Variants in TENM1 observed in about 807,000 individuals in gnomAD.
The protein encoded by TENM1 is teneurin transmembrane protein 1.
In TENM1, 35 loss-of-function variants were observed where a neutral mutation model predicts 174.8. The ratio of observed to expected loss-of-function variants is 0.20; its 90% CI spans 0.15 to 0.27. The LOEUF is 0.27. Ranked by LOEUF, TENM1 falls within the 10% of genes least tolerant of loss-of-function variation. TENM1 has a pLI of 1.00. For synonymous variants in TENM1, 781 were observed against 798.7 expected, an observed-to-expected ratio of 0.98 and a Z score of 0.37; for missense variants, 1,633 against 2,130.1, an observed-to-expected ratio of 0.77 and a Z score of 4.59.
At chrX:124,735,981 A>C (rs1181870473) in intron 4 of TENM1, among the ~76,000 whole-genome samples, 1 of 111,257 alleles carries the variant, frequency 9.0e-6, no homozygotes, top group East Asian at 2.8e-4. Flanking sequence ...TATTGGGTAC[A>C]ATGTTCACCC....
intron 3 of TENM1, among the ~76,000 whole-genome samples, chrX:124,806,641 T>C (rs1412784556): frequency 8.9e-6 from 1 of 112,391 alleles, no homozygotes; most frequent in African/African-American, 3.2e-5. Context: ...AGGCTAGGTG[T>C]GTTAGTCCAC....
chrX:124,834,883 C>T (rs1420869294), intron 3 of TENM1, among the ~76,000 whole-genome samples: 1 of 112,108 alleles, frequency 8.9e-6, no homozygotes, highest in Non-Finnish European at 1.9e-5. Flanking sequence ...ATTCCTCAAT[C>T]AATCTTTATT....
At chrX:124,664,684 GT>G (rs2051705012) in intron 6 of TENM1, among the ~76,000 whole-genome samples, 4 of 75,022 alleles carry the variant, frequency 5.3e-5, no homozygotes, top group East Asian at 7.2e-4. Flanking sequence ...TGTGGGGTGT[GT>G]GTGTGTGTGT....
chrX:124,519,502 C>T (rs770275707), intron 18 of TENM1, among the ~76,000 whole-genome samples: 3 of 110,907 alleles, frequency 2.7e-5, no homozygotes, highest in Admixed American at 1.9e-4. Context: ...ATGCTAGACA[C>T]TTCCAAGGGA....
chrX:124,479,939 G>A (rs2046808433), intron 22 of TENM1, among the ~76,000 whole-genome samples: 2 of 111,756 alleles, frequency 1.8e-5, no homozygotes, highest in South Asian at 7.5e-4. Flanking sequence ...AGCTGGCACA[G>A]AGAAATAAAG....
At chrX:125,121,760 T>C in the TENM1 span, among the ~76,000 whole-genome samples, 3 of 112,051 alleles carry the variant, frequency 2.7e-5, no homozygotes, top group Non-Finnish European at 5.6e-5. Flanking sequence ...TAAGTTTTAA[T>C]AAAAAGTCAA....
intron 11 of TENM1, among the ~76,000 whole-genome samples, chrX:124,587,907 G>T (rs1303326904): frequency 1.3e-4 from 14 of 111,970 alleles, no homozygotes; most frequent in Non-Finnish European, 2.3e-4. Flanking sequence ...CTCAAAAGAA[G>T]ACATTTATGC....
intron 5 of TENM1, among the ~76,000 whole-genome samples, chrX:124,697,597 C>T (rs1259667976): frequency 9.1e-6 from 1 of 110,184 alleles, no homozygotes; most frequent in Non-Finnish European, 1.9e-5. Context: ...ACTGAAGATG[C>T]CAAAGAGCTT....
At chrX:124,825,432 T>C (rs1034208643) in intron 3 of TENM1, among the ~76,000 whole-genome samples, 2 of 110,048 alleles carry the variant, frequency 1.8e-5, no homozygotes, top group African/African-American at 6.6e-5. Flanking sequence ...CCCAAAGTGC[T>C]GGGATTACAG....
chrX:124,677,084 T>C (rs1346246717), intron 5 of TENM1, among the ~76,000 whole-genome samples: 1 of 111,041 alleles, frequency 9.0e-6, no homozygotes, highest in Non-Finnish European at 1.9e-5. Context: ...ATTGAAATGA[T>C]AATATTTTGG....
At chrX:124,439,868 C>A (rs939295902) in intron 23 of TENM1, among the ~76,000 whole-genome samples, 5 of 111,165 alleles carry the variant, frequency 4.5e-5, no homozygotes, top group African/African-American at 1.3e-4. Context: ...TGCATATTAC[C>A]ACATTAAATT....
chrX:124,982,150 G>A, the TENM1 span, among the ~76,000 whole-genome samples: 1 of 68,609 alleles, frequency 1.5e-5, no homozygotes, highest in Non-Finnish European at 2.5e-5. Flanking sequence ...AGTATTGCCC[G>A]AAAAGGTAAA....
the TENM1 span, among the ~76,000 whole-genome samples, chrX:125,033,583 A>T: frequency 8.9e-6 from 1 of 112,042 alleles, no homozygotes; most frequent in Non-Finnish European, 1.9e-5. Context: ...GAGGAAGGGA[A>T]GGACAAAGGG....
At chrX:124,762,920 CTGTGTAGTCTTTACT>C (rs1449699784) in intron 3 of TENM1, among the ~76,000 whole-genome samples, 4 of 111,141 alleles carry the variant, frequency 3.6e-5, no homozygotes, top group Admixed American at 2.9e-4. Context: ...GTAGTCTTTA[CTGTGTAGTCTTTACT>C]TGTGTAGTCT....
At chrX:125,162,643 C>G in the TENM1 span, among the ~76,000 whole-genome samples, 1,480 of 111,858 alleles carry the variant, frequency 0.013, 28 homozygotes, top group African/African-American at 0.045. Flanking sequence ...CCACCAGCAC[C>G]TCAAGTCTTT....
intron 4 of TENM1, among the ~76,000 whole-genome samples, chrX:124,708,251 T>A (rs1885634044): frequency 1.8e-5 from 2 of 111,573 alleles, no homozygotes; most frequent in South Asian, 7.6e-4. Flanking sequence ...TTTAAAGGGA[T>A]TAAAAAAACC....
intron 3 of TENM1, among the ~76,000 whole-genome samples, chrX:124,779,624 T>G (rs920738382): frequency 9.0e-6 from 1 of 111,687 alleles, no homozygotes; most frequent in African/African-American, 3.3e-5. Context: ...TATAGGATCT[T>G]TGTGCAAATG....
the TENM1 span, among the ~76,000 whole-genome samples, chrX:125,048,236 T>C: frequency 5.8e-5 from 6 of 102,639 alleles, no homozygotes; most frequent in African/African-American, 7.2e-5. Context: ...TGATGCTGTT[T>C]CGAAGCATTT....
the TENM1 span, among the ~76,000 whole-genome samples, chrX:125,136,365 C>T: frequency 8.9e-6 from 1 of 111,740 alleles, no homozygotes; most frequent in African/African-American, 3.3e-5. Flanking sequence ...ATCTACTACA[C>T]ACTCGCTATT....
Sources: gnomAD v4.1 joint callset for allele counts (sites outside exome capture counted in the v4.1 genomes callset) on GRCh38, gnomAD v4.1.1 for gene constraint, MANE v1.5 for transcripts, NCBI Gene and HGNC (gene_info 2026-07-23, HGNC 2026-07-21) for gene names.